Variants in SH3KBP1 observed in about 807,000 individuals in gnomAD.
The protein encoded by SH3KBP1 is SH3 domain containing kinase binding protein 1.
In SH3KBP1, 8 loss-of-function variants were observed where a neutral mutation model predicts 50.1. That is an observed-to-expected ratio of 0.16 (90% CI 0.09 to 0.29). SH3KBP1 has a LOEUF of 0.29. Ranked by LOEUF, SH3KBP1 falls within the 10% of genes least tolerant of loss-of-function variation. The probability of loss-of-function intolerance (pLI) is 1.00; values close to 1 mark genes in which losing one functional copy is unlikely to be tolerated. For synonymous variants in SH3KBP1, 227 were observed against 218.6 expected, an observed-to-expected ratio of 1.04 and a Z score of -0.34; for missense variants, 377 against 535.2, an observed-to-expected ratio of 0.70 and a Z score of 2.92.
intron 2 of SH3KBP1, among the ~76,000 whole-genome samples, chrX:19,800,364 A>T (rs891453318): frequency 8.9e-6 from 1 of 112,422 alleles, no homozygotes; most frequent in African/African-American, 3.2e-5. Context: ...AGCATGAATT[A>T]TACTTGAAAG....
rs1342450725 is a variant in SH3KBP1, at chrX:19,757,024, T to C, written c.163-10583A>G. On this transcript the variant is annotated intron_variant, in intron 2 of 17. Transcript: ENST00000397821. ...AGGTGGCCGAGGGACAGAGAAAGCA[T>C]ATATTTTGTCCCTTTTAGCTGGCAC... is the stretch of plus-strand genomic sequence containing the variant. Among the ~76,000 whole-genome samples, 6 of 111,154 alleles carry C rather than the reference T, an allele frequency of 5.4e-5. No homozygotes were observed. In the Admixed American group the frequency reaches 5.8e-4, roughly 11 times the overall value.
intron 2 of SH3KBP1, among the ~76,000 whole-genome samples, chrX:19,801,976 A>T (rs1023995998): frequency 9.1e-6 from 1 of 110,481 alleles, no homozygotes; most frequent in Non-Finnish European, 1.9e-5. Flanking sequence ...TACTTGGGAG[A>T]CTGAGACAGA....
At position 19,542,200 on chromosome X, in the gene SH3KBP1, C is replaced by T. The variant is rs1231096194; in HGVS notation, c.1624-7G>A. 1.7e-5 allele frequency: 20 copies of T among 1,161,280 alleles called. No individual in the cohort carries two copies. Among genetic ancestry groups the T allele is most frequent in the East Asian group, 1.2e-4 (4 of 33,169 alleles). On this transcript the variant is annotated splice_polypyrimidine_tract_variant and splice_region_variant and intron_variant, in intron 15 of 17. Coordinates refer to ENST00000397821, the MANE Select transcript of SH3KBP1 (RefSeq NM_031892.3). ...ATGCTTTGTTGTCAGACACCTGTGACGAGGGAAGGCAGGGAGGGTTCAGGG... is the reference window on the plus strand; with the variant it reads ...ATGCTTTGTTGTCAGACACCTGTGATGAGGGAAGGCAGGGAGGGTTCAGGG...
At chrX:19,675,807 T>C (rs1191096256) in intron 6 of SH3KBP1, among the ~76,000 whole-genome samples, 1 of 112,185 alleles carries the variant, frequency 8.9e-6, no homozygotes, top group Non-Finnish European at 1.9e-5. Flanking sequence ...TTTTAGAAAG[T>C]TCACATCAAA....
intron 2 of SH3KBP1, among the ~76,000 whole-genome samples, chrX:19,805,997 G>A (rs2067034558): frequency 9.0e-6 from 1 of 111,269 alleles, no homozygotes; most frequent in Admixed American, 9.5e-5. Context: ...CAACCTTTTG[G>A]TGTATCAAGA....
chrX:19,541,902 C>A, intron 16 of SH3KBP1, 23 bp downstream of exon 16: 1 of 1,191,104 alleles, frequency 8.4e-7, no homozygotes. Flanking sequence ...GGTGACGGCC[C>A]CCAAGAGTCC....
intron 1 of SH3KBP1, among the ~76,000 whole-genome samples, chrX:19,852,273 C>T (rs1346520775): frequency 1.8e-5 from 2 of 111,173 alleles, no homozygotes; most frequent in East Asian, 5.6e-4. Context: ...CTGTCATGTC[C>T]ACTCCAAACC....
intron 2 of SH3KBP1, among the ~76,000 whole-genome samples, chrX:19,776,475 G>GA (rs1345475378): frequency 4.0e-5 from 4 of 100,612 alleles, no homozygotes; most frequent in Admixed American, 3.3e-4. Flanking sequence ...GAATCCCATG[G>GA]AAAAAATAAA....
At chrX:19,870,655 A>G (rs1242641507) in intron 1 of SH3KBP1, among the ~76,000 whole-genome samples, 2 of 111,647 alleles carry the variant, frequency 1.8e-5, no homozygotes, top group Admixed American at 1.9e-4. Flanking sequence ...CCACTACTAT[A>G]CATTTTATAA....
intron 6 of SH3KBP1, among the ~76,000 whole-genome samples, chrX:19,647,530 C>G (rs1463053943): frequency 8.9e-6 from 1 of 111,915 alleles, no homozygotes; most frequent in East Asian, 2.8e-4. Context: ...TGTTTCCTTC[C>G]TATTTCAGAA....
At chrX:19,882,688 G>GT (rs1250553980) in intron 1 of SH3KBP1, among the ~76,000 whole-genome samples, 1 of 111,809 alleles carries the variant, frequency 8.9e-6, no homozygotes, top group Non-Finnish European at 1.9e-5. Flanking sequence ...ACGAATACAG[G>GT]TACCAGGTAT....
chrX:19,778,972 A>T (rs1055595953), intron 2 of SH3KBP1, among the ~76,000 whole-genome samples: 1 of 109,057 alleles, frequency 9.2e-6, no homozygotes, highest in Admixed American at 1.0e-4. Flanking sequence ...TTGCTCATTC[A>T]TTTTGTTCAA....
At chrX:19,691,484 C>T (rs187517752) in intron 5 of SH3KBP1, among the ~76,000 whole-genome samples, 2 of 104,974 alleles carry the variant, frequency 1.9e-5, no homozygotes, top group African/African-American at 3.5e-5. Context: ...CTAATCAAGA[C>T]CCCAGATCTA....
At chrX:19,760,041 C>CCTCTCTCTCTCTCT (rs745515349) in intron 2 of SH3KBP1, among the ~76,000 whole-genome samples, 41 of 50,435 alleles carry the variant, frequency 8.1e-4, no homozygotes, top group African/African-American at 2.0e-3. Flanking sequence ...TCTCTCTCTC[C>CCTCTCTCTCTCTCT]CTCTCTCTCT....
chrX:19,639,748 A>T (rs182144012), intron 7 of SH3KBP1, among the ~76,000 whole-genome samples: 1 of 110,155 alleles, frequency 9.1e-6, no homozygotes, highest in East Asian at 2.9e-4. Flanking sequence ...AATATGAGAC[A>T]TGCTGCAGCA....
chrX:19,870,368 G>T (rs1299456979), intron 1 of SH3KBP1, among the ~76,000 whole-genome samples: 1 of 109,350 alleles, frequency 9.1e-6, no homozygotes, highest in African/African-American at 3.3e-5. Flanking sequence ...TCTGAGCTGG[G>T]GTCTCACTCT....
chrX:19,683,150 C>T (rs914410546), intron 6 of SH3KBP1, among the ~76,000 whole-genome samples: 1 of 111,361 alleles, frequency 9.0e-6, no homozygotes, highest in African/African-American at 3.3e-5. Flanking sequence ...CCACAGTAGA[C>T]GTCATCGGCA....
chrX:19,543,585 T>A (rs2064999616), intron 15 of SH3KBP1, among the ~76,000 whole-genome samples: 1 of 111,471 alleles, frequency 9.0e-6, no homozygotes, highest in Non-Finnish European at 1.9e-5. Context: ...GGACTCTCTT[T>A]CCAGAAACTT....
chrX:19,862,230 G>C (rs376249720), intron 1 of SH3KBP1, among the ~76,000 whole-genome samples: 1 of 112,226 alleles, frequency 8.9e-6, no homozygotes, highest in East Asian at 2.8e-4. Flanking sequence ...TTTTCAGTCA[G>C]AATTGTGTGA....
Sources: allele counts gnomAD v4.1 joint callset (sites outside exome capture counted in the v4.1 genomes callset), GRCh38; gene constraint gnomAD v4.1.1; transcripts MANE v1.5; gene names NCBI Gene and HGNC (gene_info 2026-07-23, HGNC 2026-07-21).